The following MEGF6 variants were observed in gnomAD, a reference collection of about 807,000 sequenced individuals.
MEGF6 encodes multiple EGF like domains 6.
In MEGF6, 184 loss-of-function variants were observed where a neutral mutation model predicts 207.1. The observed-to-expected ratio is 0.89, with a 90% CI of 0.79 to 1.00. The LOEUF (loss-of-function observed/expected upper bound fraction) is 1.00. Among genes scored for constraint, MEGF6 ranks in the 50% least tolerant of loss-of-function variants. The pLI, the probability that MEGF6 is intolerant of heterozygous loss-of-function variation, is 0.00. For synonymous variants in MEGF6, 1,038 were observed against 910.0 expected (o/e 1.14, Z -2.53); for missense variants, 2,282 against 2,202.9 (o/e 1.04, Z -0.72).
chr1:3,591,713 G>A (rs931625018), intron 3 of MEGF6, among the ~76,000 whole-genome samples: 6 of 146,078 alleles, frequency 4.1e-5, no homozygotes, highest in South Asian at 2.4e-4. Context: ...CCAAGGTCTC[G>A]TAGCTCACAA....
In MEGF6 at chr1:3,611,312, C is replaced by T; in HGVS notation, c.-44G>A. The T allele has an allele frequency of 7.1e-7, 1 of 1,405,682 alleles. No individual in the cohort carries two copies. The highest frequency in any genetic ancestry group is 9.2e-7 in the Non-Finnish European group (1 of 1,086,554). 87.1% of individuals were successfully genotyped at this position (1,405,682 alleles called of 1,614,324 possible). On this transcript the variant is annotated 5_prime_UTR_variant, in exon 1 of 37. Coordinates refer to ENST00000356575, the MANE Select transcript of MEGF6 (RefSeq NM_001409.4). Reference sequence around the variant, plus strand: ...CTCCGCTCTCCGGCTCACAGGCGGCCCCGGCGGCTCCCCGGAGCCTCCGCC... The same window carrying T: ...CTCCGCTCTCCGGCTCACAGGCGGCTCCGGCGGCTCCCCGGAGCCTCCGCC...
chr1:3,599,077 A>G (rs1258547175), intron 2 of MEGF6, among the ~76,000 whole-genome samples: 1 of 152,146 alleles, frequency 6.6e-6, no homozygotes, highest in Non-Finnish European at 1.5e-5. Flanking sequence ...CAGGCTCCAC[A>G]GCCCAGAAGC....
chr1:3,544,010 C>T (rs1040826507), intron 4 of MEGF6, among the ~76,000 whole-genome samples: 3 of 152,192 alleles, frequency 2.0e-5, no homozygotes, highest in Non-Finnish European at 4.4e-5. Flanking sequence ...GCCCATTCAC[C>T]ACCCGGAGCC....
intron 4 of MEGF6, among the ~76,000 whole-genome samples, chr1:3,566,121 T>TCAGTCACCTCCTTCTCCTG (rs1553203219): frequency 2.6e-5 from 4 of 152,166 alleles, no homozygotes; most frequent in Middle Eastern, 3.2e-3. Context: ...TGTCAGCACC[T>TCAGTCACCTCCTTCTCCTG]CAGTCACCTC....
chr1:3,511,520 T>C, intron 9 of MEGF6, 30 bp downstream of exon 9: 1 of 1,584,226 alleles, frequency 6.3e-7, no homozygotes, highest in Non-Finnish European at 8.6e-7. Context: ...TGGAGTGGGG[T>C]GCAGGCATCT....
At chr1:3,530,451 G>A (rs1361299169) in intron 4 of MEGF6, among the ~76,000 whole-genome samples, 1 of 152,096 alleles carries the variant, frequency 6.6e-6, no homozygotes, top group African/African-American at 2.4e-5. Context: ...TCCAATTCCC[G>A]AGGGTGCCCA....
At chr1:3,589,044 G>A (rs1454200500) in intron 3 of MEGF6, among the ~76,000 whole-genome samples, 1 of 152,156 alleles carries the variant, frequency 6.6e-6, no homozygotes, top group Non-Finnish European at 1.5e-5. Flanking sequence ...CAGATGTGAT[G>A]AACACCACGA....
chr1:3,503,963 C>A (rs1197081712), intron 17 of MEGF6, among the ~76,000 whole-genome samples: 1 of 152,128 alleles, frequency 6.6e-6, no homozygotes, highest in East Asian at 1.9e-4. Flanking sequence ...GTGGCTGAGG[C>A]CAGGGTGGCC....
Position 3,493,843 on chromosome 1 carries a change from C to T in MEGF6, c.4315G>A (p.Gly1439Arg). The T allele has an allele frequency of 1.2e-6, 2 of 1,604,610 alleles. No homozygotes were observed. The highest frequency in any genetic ancestry group is 2.3e-5 in the East Asian group (1 of 44,346). The change falls in exon 34 of 37, where the codon GGG becomes AGG. Residue 1439 changes from glycine to arginine, a missense_variant. Physicochemically the swap from Gly to Arg is moderately radical, Grantham distance 125. Transcript: ENST00000356575. ...CCGGTGACAGGGTCACAGGGTGCCC[C>T]CCCGTCACAGTCACAGCGCTGGTGG... The part of the protein sequence containing the change: ...GCHQRCDCDG[G>R]APCDPVTGLC...
rs553771900 is a variant in MEGF6, at chr1:3,501,906, G to A, written c.2204C>T (p.Thr735Met). The A allele has an allele frequency of 6.9e-6, 11 of 1,601,446 alleles. No individual in the cohort carries two copies. Among genetic ancestry groups the A allele is most frequent in the African/African-American group, 5.4e-5 (4 of 73,634 alleles). The change falls in exon 18 of 37, where the codon ACG becomes ATG. Residue 735 changes from threonine (T) to methionine (M), a missense_variant. Thr to Met is a moderately conservative substitution (Grantham distance 81). Transcript: ENST00000356575. ...GGAGCTCGAGCAGTTCACGCCAAAC[G>A]TCCCCACCGGGCACTCTGCAGGAGA... ...EDCGQECPVGTFGVNCSSSCS... is the reference protein window; with the variant it reads ...EDCGQECPVGMFGVNCSSSCS...
Position 3,500,621 on chromosome 1 carries a change from G to T in MEGF6, c.2707+12C>A. 1 of 1,549,814 alleles carries T rather than the reference G, an allele frequency of 6.5e-7. No individual in the cohort carries two copies. On this transcript the variant is annotated intron_variant, in intron 21 of 36. Transcript: ENST00000356575. Reference sequence around the variant, plus strand: ...CAGGAGGGTGGCAGCCAAAGGCAGGGCCGGGACTCACGCTGCTCGCACCGC... The same window carrying T: ...CAGGAGGGTGGCAGCCAAAGGCAGGTCCGGGACTCACGCTGCTCGCACCGC...
chr1:3,595,274 T>C, intron 3 of MEGF6, 64 bp downstream of exon 3: 2 of 1,121,928 alleles, frequency 1.8e-6, no homozygotes, highest in Non-Finnish European at 2.6e-6. Context: ...GGCAGATTCA[T>C]GGCTCTGCTG....
At chr1:3,547,260 C>G (rs1004003557) in intron 4 of MEGF6, 1 of 152,256 alleles carries the variant, frequency 6.6e-6, no homozygotes, top group African/African-American at 2.4e-5. Context: ...GAACAGGCCC[C>G]GCAGGAGGGA....
At chr1:3,606,123 G>A (rs984303061) in intron 1 of MEGF6, among the ~76,000 whole-genome samples, 5 of 152,212 alleles carry the variant, frequency 3.3e-5, no homozygotes, top group African/African-American at 1.2e-4. Context: ...GGCAGAACTC[G>A]TGATGAACGC....
At chr1:3,554,107 G>A (rs989867761) in intron 4 of MEGF6, among the ~76,000 whole-genome samples, 27 of 152,170 alleles carry the variant, frequency 1.8e-4, no homozygotes, top group African/African-American at 6.3e-4. Flanking sequence ...CTTCCAGAAC[G>A]CCTGCTTGGG....
At chr1:3,506,363 C>T in intron 14 of MEGF6, 127 bp from the exon 15 acceptor site, 5 of 1,216,096 alleles carry the variant, frequency 4.1e-6, no homozygotes, top group Non-Finnish European at 5.7e-6. Flanking sequence ...CCCGCCAGGG[C>T]ACTAGGTGAG....
At chr1:3,496,548 G>A in intron 29 of MEGF6, 107 bp downstream of exon 29, 4 of 1,493,216 alleles carry the variant, frequency 2.7e-6, no homozygotes, top group Middle Eastern at 2.0e-4. Context: ...AGAGGGGGCT[G>A]AAGGGCAGGG....
At chr1:3,531,623 A>G (rs976869592) in intron 4 of MEGF6, among the ~76,000 whole-genome samples, 4 of 152,078 alleles carry the variant, frequency 2.6e-5, no homozygotes, top group African/African-American at 9.6e-5. Context: ...ACCTAGGCAC[A>G]AACGCAGACA....
At chr1:3,504,924 G>A (rs1257138168) in intron 17 of MEGF6, among the ~76,000 whole-genome samples, 1 of 152,176 alleles carries the variant, frequency 6.6e-6, no homozygotes, top group African/African-American at 2.4e-5. Context: ...CCAGGGAGGA[G>A]TTTGGAGAGA....
Sources: gnomAD v4.1 joint callset for allele counts (sites outside exome capture counted in the v4.1 genomes callset) on GRCh38, gnomAD v4.1.1 for gene constraint, MANE v1.5 for transcripts, NCBI Gene and HGNC (gene_info 2026-07-23, HGNC 2026-07-21) for gene names.